The following ASAP1 variants were observed in gnomAD, a reference collection of about 807,000 sequenced individuals.
ASAP1 encodes the protein ArfGAP with SH3 domain, ankyrin repeat and PH domain 1.
In ASAP1, 43 loss-of-function variants were observed where a neutral mutation model predicts 145.2. The observed-to-expected ratio is 0.30, with a 90% CI of 0.23 to 0.38. The LOEUF (loss-of-function observed/expected upper bound fraction) is 0.38, where lower values mean the gene tolerates loss of function less well. Ranked by LOEUF, ASAP1 falls within the 10% of genes least tolerant of loss-of-function variation. The pLI, the probability that ASAP1 is intolerant of heterozygous loss-of-function variation, is 1.00. For missense variants in ASAP1, 1,018 were observed against 1,355.3 expected (o/e 0.75, Z 3.91); for synonymous variants, 546 against 515.5 (o/e 1.06, Z -0.80).
intron 1 of ASAP1, among the ~76,000 whole-genome samples, chr8:130,439,025 G>A (rs539922244): frequency 6.6e-6 from 1 of 152,238 alleles, no homozygotes; most frequent in Admixed American, 6.5e-5. Context: ...AGGTTGCTAA[G>A]CTGTTGACCT....
At chr8:130,094,520 A>T (rs1201884890) in intron 24 of ASAP1, among the ~76,000 whole-genome samples, 1 of 152,218 alleles carries the variant, frequency 6.6e-6, no homozygotes, top group Non-Finnish European at 1.5e-5. Flanking sequence ...AATTTAAAAA[A>T]AAAAAATGTT....
rs561309256 is a variant in ASAP1 at position 130,236,913 on chromosome 8, A to C, written c.259+9T>G. ...AATTCATGTTACCTCATTTTTAGTA[A>C]GTGCTTACCTTGACCAGAATTATAT... On this transcript the variant is annotated intron_variant, in intron 4 of 29. Coordinates refer to ENST00000518721, the MANE Select transcript of ASAP1 (RefSeq NM_018482.4). 1.3e-6 allele frequency: 2 copies of C among 1,539,042 alleles called. No individual in the cohort carries two copies. The highest frequency in any genetic ancestry group is 1.4e-5 in the African/African-American group (1 of 72,884).
chr8:130,442,941 C>T (rs749246614), intron 1 of ASAP1, among the ~76,000 whole-genome samples: 7 of 152,196 alleles, frequency 4.6e-5, no homozygotes, highest in Non-Finnish European at 8.8e-5. Flanking sequence ...ACTCCCCCCA[C>T]CCCCTTCCCT....
intron 15 of ASAP1, 55 bp from the exon 16 acceptor site, chr8:130,128,145 T>A: frequency 1.2e-6 from 1 of 802,834 alleles, no homozygotes; most frequent in East Asian, 6.5e-5. Flanking sequence ...GGTCATTTTT[T>A]TTTTTTTTTT....
chr8:130,228,873 T>C (rs1216167382), intron 4 of ASAP1, among the ~76,000 whole-genome samples: 2 of 152,034 alleles, frequency 1.3e-5, no homozygotes, highest in African/African-American at 4.8e-5. Context: ...ATCACTGCAC[T>C]TTCACAATGG....
chr8:130,098,668 C>A (rs1054402698), intron 24 of ASAP1, among the ~76,000 whole-genome samples: 1 of 152,034 alleles, frequency 6.6e-6, no homozygotes, highest in African/African-American at 2.4e-5. Context: ...TTAGTTGACA[C>A]AATTGTACAT....
At chr8:130,121,093 T>C (rs55821463) in intron 18 of ASAP1, among the ~76,000 whole-genome samples, 4,050 of 152,320 alleles carry the variant, frequency 0.027, 64 homozygotes, top group Middle Eastern at 0.045. Flanking sequence ...GCAAATCCTG[T>C]TGGCTCTCCC....
chr8:130,157,152 T>C (rs1228533441), intron 12 of ASAP1, among the ~76,000 whole-genome samples: 1 of 152,216 alleles, frequency 6.6e-6, no homozygotes, highest in Non-Finnish European at 1.5e-5. Flanking sequence ...TTCAGCAAGA[T>C]AAGCTATGGA....
intron 24 of ASAP1, among the ~76,000 whole-genome samples, chr8:130,098,517 T>C (rs2097523034): frequency 6.6e-6 from 1 of 152,162 alleles, no homozygotes; most frequent in Admixed American, 6.5e-5. Context: ...CTAATTTTTG[T>C]ATTTTTTTAG....
intron 26 of ASAP1, among the ~76,000 whole-genome samples, chr8:130,077,687 A>C (rs1007061638): frequency 6.6e-6 from 1 of 152,052 alleles, no homozygotes; most frequent in African/African-American, 2.4e-5. Context: ...AAAAGAAAAG[A>C]AAAAGCCAAA....
At chr8:130,419,724 G>C (rs1018658849) in intron 1 of ASAP1, among the ~76,000 whole-genome samples, 1 of 152,042 alleles carries the variant, frequency 6.6e-6, no homozygotes, top group African/African-American at 2.4e-5. Context: ...GGAGAGGGAG[G>C]CTGAGGCATC....
intron 29 of ASAP1, among the ~76,000 whole-genome samples, chr8:130,055,389 T>C (rs1403411908): frequency 6.6e-6 from 1 of 152,140 alleles, no homozygotes; most frequent in Non-Finnish European, 1.5e-5. Context: ...GGAAGGGGTT[T>C]CTTTGCCCAC....
At chr8:130,425,085 C>CT (rs1829866695) in intron 1 of ASAP1, among the ~76,000 whole-genome samples, 1 of 152,164 alleles carries the variant, frequency 6.6e-6, no homozygotes, top group African/African-American at 2.4e-5. Context: ...AATCCCAACA[C>CT]TTTGAGAGGC....
chr8:130,247,145 G>C (rs962310494), intron 3 of ASAP1: 1 of 152,172 alleles, frequency 6.6e-6, no homozygotes, highest in Non-Finnish European at 1.5e-5. Context: ...TAAAGGTACT[G>C]TTAACACCTT....
chr8:130,287,352 C>T (rs1468708527), intron 3 of ASAP1, among the ~76,000 whole-genome samples: 1 of 152,150 alleles, frequency 6.6e-6, no homozygotes, highest in Non-Finnish European at 1.5e-5. Flanking sequence ...AGAGCTTGAA[C>T]AAAGGGACAA....
chr8:130,378,076 A>T (rs1356414122), intron 2 of ASAP1, among the ~76,000 whole-genome samples: 2 of 152,230 alleles, frequency 1.3e-5, no homozygotes, highest in Non-Finnish European at 2.9e-5. Context: ...AGAGCTCTGG[A>T]ATCTGATTGC....
rs542633804 is a variant in ASAP1, at chr8:130,438,496, C to A, written c.-28+4964G>T. ...TACAAAAGGAACAACTGTAGGGATG[C>A]GTGCTGTGCTAGGAAATGGACTGGG... is the stretch of plus-strand genomic sequence containing the variant. On this transcript the variant is annotated intron_variant, in intron 1 of 29. Transcript: ENST00000518721. Among the ~76,000 whole-genome samples, 34 of 152,260 alleles carry A rather than the reference C, an allele frequency of 2.2e-4. No individual in the cohort carries two copies. In the South Asian group the frequency reaches 3.5e-3, roughly 16 times the overall value.
In ASAP1 at chr8:130,060,927, G is replaced by T; in HGVS notation, c.2844C>A (p.Pro948=). 1 of 1,611,208 alleles carries T rather than the reference G, an allele frequency of 6.2e-7. No individual in the cohort carries two copies. The highest frequency in any genetic ancestry group is 8.5e-7 in the Non-Finnish European group (1 of 1,178,130). ...GCGGCAAATCTCCAATTTGGGGCTT[G>T]GGGGCCAGTTCTGTGGGCTTTGGGG... ...DLPPKPTELA[P]KPQIGDLPPK... Residue 948 remains proline (P), a synonymous_variant, in exon 28 of 30, where the codon CCC becomes CCA. Coordinates refer to ENST00000518721, the MANE Select transcript of ASAP1 (RefSeq NM_018482.4).
chr8:130,430,278 A>C (rs1323876241), intron 1 of ASAP1, among the ~76,000 whole-genome samples: 1 of 152,248 alleles, frequency 6.6e-6, no homozygotes, highest in African/African-American at 2.4e-5. Flanking sequence ...AGGACTCACC[A>C]AGATGAATAA....
Sources: allele counts gnomAD v4.1 joint callset (sites outside exome capture counted in the v4.1 genomes callset), GRCh38; gene constraint gnomAD v4.1.1; transcripts MANE v1.5; gene names NCBI Gene and HGNC (gene_info 2026-07-23, HGNC 2026-07-21).